The following MAML2 variants were observed in gnomAD, a reference collection of about 807,000 sequenced individuals.
MAML2 encodes the protein mastermind-like protein 2.
Under a neutral mutation model 96.1 loss-of-function variants are expected in MAML2, and 22 were observed. That is an observed-to-expected ratio of 0.23 (90% CI 0.16 to 0.33). The LOEUF (loss-of-function observed/expected upper bound fraction) is 0.33. Ranked by LOEUF, MAML2 falls within the 10% of genes least tolerant of loss-of-function variation. The pLI, the probability that MAML2 is intolerant of heterozygous loss-of-function variation, is 1.00. For missense variants in MAML2, 1,367 were observed against 1,392.4 expected (o/e 0.98, Z 0.29); for synonymous variants, 561 against 521.3 (o/e 1.08, Z -1.04).
rs769876317 is a variant in MAML2 at position 95,979,177 on chromosome 11, G to T, written c.3242C>A (p.Ser1081Tyr). ...TGAAGGAAAATTGCTGGGCGTCAGG[G>T]ATGGTGGCTGGTTGATGCCCGTCCT... The part of the protein sequence containing the change: ...QSRTGINQPP[S>Y]LTPSNFPSPN... Residue 1081 changes from serine (S) to tyrosine (Y), a missense_variant, in exon 5 of 5, where the codon TCC (serine) becomes TAC (tyrosine). Ser to Tyr is a moderately radical substitution (Grantham distance 144, BLOSUM62 -2). Transcript: ENST00000524717. The T allele has an allele frequency of 3.7e-6, 6 of 1,613,980 alleles. No homozygotes were observed. The highest frequency in any genetic ancestry group is 3.3e-5 in the South Asian group (3 of 91,088).
At chr11:96,078,526 C>T (rs3802767) in intron 2 of MAML2, among the ~76,000 whole-genome samples, 9 of 151,876 alleles carry the variant, frequency 5.9e-5, no homozygotes, top group African/African-American at 2.2e-4. Context: ...GTTCAGAGAG[C>T]AGGTATCTAC....
chr11:96,285,438 C>T (rs376620522), intron 1 of MAML2, among the ~76,000 whole-genome samples: 6 of 151,986 alleles, frequency 3.9e-5, no homozygotes, highest in Admixed American at 1.3e-4. Flanking sequence ...AGGAAAACAC[C>T]GGAAGCAATT....
Position 95,979,887 on chromosome 11 carries a change from G to A in MAML2, c.2532C>T (p.Pro844=), listed in dbSNP as rs1186299760. 33 of 1,613,804 alleles carry A rather than the reference G, an allele frequency of 2.0e-5. No homozygotes were observed. Among genetic ancestry groups the A allele is most frequent in the Non-Finnish European group, 2.8e-5 (33 of 1,179,848 alleles). ...NPVSTHTILT[P]NSSLLSTSHG... ...GAGAAGTAGACAGGAGGCTGGAATT[G>A]GGAGTTAAAATGGTGTGTGTTGAAA... The change falls in exon 5 of 5, where the codon CCC becomes CCT. Residue 844 remains proline, a synonymous_variant. Coordinates refer to ENST00000524717, the MANE Select transcript of MAML2 (RefSeq NM_032427.4).
At chr11:96,024,075 A>T (rs1400370795) in intron 2 of MAML2, among the ~76,000 whole-genome samples, 1 of 152,232 alleles carries the variant, frequency 6.6e-6, no homozygotes, top group African/African-American at 2.4e-5. Flanking sequence ...TGAGGCAAAG[A>T]CTAGGGAAAT....
In MAML2 at chr11:96,165,515, A is replaced by G. The variant is rs370276869; in HGVS notation, c.514-71998T>C. 1.3e-4 allele frequency among the ~76,000 whole-genome samples: 20 copies of G among 152,350 alleles called. 1 individual carries two copies. The highest frequency in any genetic ancestry group is 1.0e-3 in the South Asian group (5 of 4,828). On this transcript the variant is annotated intron_variant, in intron 1 of 4. Coordinates refer to ENST00000524717, the MANE Select transcript of MAML2 (RefSeq NM_032427.4). Reference sequence around the variant, plus strand: ...TTTTTCAGTTATAAATAATACTGTAATAAATATTTACATTTTACATATCTC... The same window carrying G: ...TTTTTCAGTTATAAATAATACTGTAGTAAATATTTACATTTTACATATCTC...
chr11:96,086,464 T>G (rs1213146303), intron 2 of MAML2, among the ~76,000 whole-genome samples: 6 of 30,740 alleles, frequency 2.0e-4, no homozygotes, highest in Non-Finnish European at 4.0e-4. Flanking sequence ...TTCCTTGTGT[T>G]TTTTTTTTCC....
intron 1 of MAML2, among the ~76,000 whole-genome samples, chr11:96,214,676 C>G (rs1430154083): frequency 1.3e-5 from 2 of 152,232 alleles, no homozygotes; most frequent in Non-Finnish European, 2.9e-5. Flanking sequence ...CACACACTTA[C>G]TTCTAGGTCA....
chr11:96,092,397 G>C lies in MAML2; in HGVS notation c.1634C>G (p.Pro545Arg), dbSNP rs1409353481. ...CTGACGGGGCTCCATGGCTGGGTGCGGGTTGTTAATAAAACTTCGACTGAG... is the reference window on the plus strand; with the variant it reads ...CTGACGGGGCTCCATGGCTGGGTGCCGGTTGTTAATAAAACTTCGACTGAG... ...QDLSRSFINN[P>R]HPAMEPRQGN... Residue 545 changes from proline to arginine, a missense_variant, in exon 2 of 5, where the codon CCG becomes CGG. Pro to Arg is a moderately radical substitution (Grantham distance 103). Coordinates refer to ENST00000524717, the MANE Select transcript of MAML2 (RefSeq NM_032427.4). This position sits in a 1 kb window ranked among gnomAD's most constrained non-coding sequence, Gnocchi z 4.1. 1.9e-6 allele frequency: 3 copies of C among 1,613,844 alleles called. No homozygotes were observed. The highest frequency in any genetic ancestry group is 2.2e-5 in the South Asian group (2 of 91,080).
intron 1 of MAML2, among the ~76,000 whole-genome samples, chr11:96,196,088 T>C (rs948865154): frequency 3.3e-5 from 5 of 152,184 alleles, no homozygotes; most frequent in African/African-American, 1.2e-4. Flanking sequence ...AAACTGAACA[T>C]TTAAAAAAGT....
chr11:96,240,553 G>A (rs1189060691), intron 1 of MAML2, among the ~76,000 whole-genome samples: 3 of 7,194 alleles, frequency 4.2e-4, no homozygotes, highest in East Asian at 4.7e-3. Context: ...GCGAGACTCC[G>A]TCTCAAAAAA....
chr11:96,135,714 G>C (rs1860619812), intron 1 of MAML2, among the ~76,000 whole-genome samples: 1 of 151,590 alleles, frequency 6.6e-6, no homozygotes, highest in Admixed American at 6.6e-5. Flanking sequence ...CCTATCTTTA[G>C]AGGAGTGATT....
At chr11:95,995,157 GAGAT>G (rs1857972230) in intron 2 of MAML2, among the ~76,000 whole-genome samples, 1 of 152,208 alleles carries the variant, frequency 6.6e-6, no homozygotes, top group African/African-American at 2.4e-5. Flanking sequence ...TGAAACAAAG[GAGAT>G]AGAACTCGCA....
chr11:96,134,250 T>C (rs1394027682), intron 1 of MAML2, among the ~76,000 whole-genome samples: 3 of 152,198 alleles, frequency 2.0e-5, no homozygotes, highest in Admixed American at 2.0e-4. Flanking sequence ...AACTACTTTG[T>C]TTACTTGTTT....
intron 1 of MAML2, among the ~76,000 whole-genome samples, chr11:96,103,637 C>T (rs1859971395): frequency 6.6e-6 from 1 of 152,200 alleles, no homozygotes; most frequent in South Asian, 2.1e-4. Context: ...GTTTACCCAA[C>T]ATCAATGGGT....
chr11:96,275,580 T>C (rs1274117864), intron 1 of MAML2, among the ~76,000 whole-genome samples: 2 of 152,158 alleles, frequency 1.3e-5, no homozygotes, highest in East Asian at 3.9e-4. Flanking sequence ...GAATTTTTCT[T>C]TCTTTTTGTA....
At position 96,193,406 on chromosome 11, in the gene MAML2, T is replaced by C. The variant is rs189252932; in HGVS notation, c.514-99889A>G. 7.9e-5 allele frequency among the ~76,000 whole-genome samples: 12 copies of C among 152,248 alleles called. No homozygotes were observed. In the East Asian group the frequency reaches 2.3e-3, roughly 29 times the overall value. On this transcript the variant is annotated intron_variant, in intron 1 of 4. Coordinates refer to ENST00000524717, the MANE Select transcript of MAML2 (RefSeq NM_032427.4). ...AAAAAATGTGTCTGGGGAATAGAAA[T>C]TGTGTGGCATTGTGTTTCCACAGCT...
intron 1 of MAML2, among the ~76,000 whole-genome samples, chr11:96,107,069 T>C (rs765584417): frequency 1.6e-4 from 24 of 150,520 alleles, no homozygotes; most frequent in Middle Eastern, 3.2e-3. Context: ...TGATCACTGC[T>C]CTATTATTTG....
intron 1 of MAML2, among the ~76,000 whole-genome samples, chr11:96,261,286 C>T (rs1862745614): frequency 6.6e-6 from 1 of 152,088 alleles, no homozygotes; most frequent in Non-Finnish European, 1.5e-5. Flanking sequence ...ACAGAATCCC[C>T]ACCACCAAGA....
intron 2 of MAML2, among the ~76,000 whole-genome samples, chr11:96,075,838 A>G (rs555034982): frequency 1.3e-5 from 2 of 152,286 alleles, no homozygotes; most frequent in African/African-American, 2.4e-5. Context: ...ATCTGCTACC[A>G]TGGTCAATGT....
Sources: gnomAD v4.1 joint callset for allele counts (sites outside exome capture counted in the v4.1 genomes callset) on GRCh38, gnomAD v4.1.1 for gene constraint, Gnocchi (gnomAD v3.1) non-coding constraint, MANE v1.5 for transcripts, NCBI Gene and HGNC (gene_info 2026-07-23, HGNC 2026-07-21) for gene names.